The following CACNA2D2 variants were observed in gnomAD, a reference collection of about 807,000 sequenced individuals.
The protein encoded by CACNA2D2 is voltage-dependent calcium channel subunit alpha-2/delta-2.
Under a neutral mutation model 166.4 loss-of-function variants are expected in CACNA2D2, and 48 were observed. The observed-to-expected ratio is 0.29, with a 90% CI of 0.23 to 0.37. The LOEUF (loss-of-function observed/expected upper bound fraction) is 0.37, where lower values mean the gene tolerates loss of function less well. CACNA2D2 is among the 10% of genes least tolerant of loss of function. The probability of loss-of-function intolerance (pLI) is 1.00; values close to 1 mark genes in which losing one functional copy is unlikely to be tolerated. For missense variants in CACNA2D2, 1,122 were observed against 1,433.0 expected (o/e 0.78, Z 3.50); for synonymous variants, 561 against 573.7 (o/e 0.98, Z 0.32).
rs771976151 is a variant in CACNA2D2, at chr3:50,367,739, C to T, written c.2235-35G>A. The T allele has an allele frequency of 6.2e-7, 1 of 1,612,420 alleles. No homozygotes were observed. The highest frequency in any genetic ancestry group is 1.1e-5 in the South Asian group (1 of 91,050). ...GCAGGGGGGTGGGGTCACAGGCCTG[C>T]CTTCTGCTGGGCAGGTCCAGGGCCT... On this transcript the variant is annotated intron_variant, in intron 25 of 37. Transcript: ENST00000424201. This position sits in a 1 kb window ranked among gnomAD's most constrained non-coding sequence, Gnocchi z 6.5.
At position 50,364,684 on chromosome 3, in the gene CACNA2D2, G is replaced by C; in HGVS notation, c.3414C>G (p.His1138Gln). 1 of 1,536,610 alleles carries C rather than the reference G, an allele frequency of 6.5e-7. No individual in the cohort carries two copies. Among genetic ancestry groups the C allele is most frequent in the Non-Finnish European group, 8.8e-7 (1 of 1,139,904 alleles). The change falls in exon 38 of 38, where the codon CAC (histidine) becomes CAG (glutamine). Residue 1138 changes from histidine (H) to glutamine (Q), a missense_variant. By Grantham distance (24) the His-to-Gln change is conservative. This residue lies in a region of CACNA2D2 where 282 missense variants were observed against 266.2 expected (regional missense o/e 1.06). Transcript: ENST00000424201. Reference sequence around the variant, plus strand: ...AGGGTGCTCAGAGGCGGCGAGAGGCGTGGACGAGGACTTGAGGCTGCGGCC... The same window carrying C: ...AGGGTGCTCAGAGGCGGCGAGAGGCCTGGACGAGGACTTGAGGCTGCGGCC... ...PPRPQPQVLV[H>Q]ASRRL
intron 1 of CACNA2D2, among the ~76,000 whole-genome samples, chr3:50,496,632 A>G (rs574655211): frequency 1.3e-5 from 2 of 152,316 alleles, no homozygotes; most frequent in Non-Finnish European, 2.9e-5. Context: ...CGGGATCCAC[A>G]TGCCCTTATC....
chr3:50,464,710 C>T (rs932969160), intron 2 of CACNA2D2, among the ~76,000 whole-genome samples: 2 of 152,206 alleles, frequency 1.3e-5, no homozygotes, highest in African/African-American at 2.4e-5. Flanking sequence ...CCTGCTCCTT[C>T]GTTTCCCCTG....
intron 5 of CACNA2D2, among the ~76,000 whole-genome samples, chr3:50,385,347 C>A (rs587639520): frequency 6.6e-6 from 1 of 152,300 alleles, no homozygotes; most frequent in African/African-American, 2.4e-5. Flanking sequence ...TACGCTCCCT[C>A]ACTGCCCCTC....
At chr3:50,385,618 G>C (rs1454171026) in intron 5 of CACNA2D2, among the ~76,000 whole-genome samples, 1 of 152,214 alleles carries the variant, frequency 6.6e-6, no homozygotes, top group Non-Finnish European at 1.5e-5. Context: ...TTTGAAGGTG[G>C]ATTTTGTACA....
At chr3:50,464,095 C>A (rs1043345569) in intron 2 of CACNA2D2, among the ~76,000 whole-genome samples, 1 of 152,222 alleles carries the variant, frequency 6.6e-6, no homozygotes. Flanking sequence ...CAGGCCTTGA[C>A]CAGGCCCAGG....
chr3:50,477,219 G>A (rs888663865), intron 1 of CACNA2D2, among the ~76,000 whole-genome samples: 5 of 151,690 alleles, frequency 3.3e-5, no homozygotes, highest in South Asian at 2.1e-4. Context: ...ATGAGCCACC[G>A]TGCCCGGCCC....
At chr3:50,365,000 G>A (rs1259143345) in intron 36 of CACNA2D2, 30 bp from the exon 37 acceptor site, 7 of 1,609,342 alleles carry the variant, frequency 4.3e-6, no homozygotes, top group Middle Eastern at 1.7e-4. Flanking sequence ...CAAGGAGGCG[G>A]ACGGCGGCGG....
intron 3 of CACNA2D2, among the ~76,000 whole-genome samples, chr3:50,395,657 G>A (rs904384998): frequency 1.3e-5 from 2 of 152,238 alleles, no homozygotes; most frequent in Admixed American, 6.5e-5. Context: ...GGAAGTGGAA[G>A]TCAGGTCATG....
intron 2 of CACNA2D2, among the ~76,000 whole-genome samples, chr3:50,441,346 G>A (rs1708591169): frequency 6.6e-6 from 1 of 152,130 alleles, no homozygotes; most frequent in African/African-American, 2.4e-5. Flanking sequence ...ACCGCAATTA[G>A]TACATTATGT....
At chr3:50,407,718 G>A (rs1427975683) in intron 3 of CACNA2D2, among the ~76,000 whole-genome samples, 2 of 152,238 alleles carry the variant, frequency 1.3e-5, no homozygotes, top group Non-Finnish European at 2.9e-5. Flanking sequence ...AGACATGAGA[G>A]GAGAACAGTG....
At chr3:50,377,707 A>T (rs1308243460) in intron 16 of CACNA2D2, 25 bp downstream of exon 16, 3 of 1,604,738 alleles carry the variant, frequency 1.9e-6, no homozygotes, top group Non-Finnish European at 2.6e-6. Flanking sequence ...GCACACCCAT[A>T]GCCCCAACCC....
intron 3 of CACNA2D2, among the ~76,000 whole-genome samples, chr3:50,415,643 C>T (rs1439952104): frequency 6.6e-6 from 1 of 152,214 alleles, no homozygotes; most frequent in Non-Finnish European, 1.5e-5. Context: ...TGCCCCTCAC[C>T]AAGGAACTCA....
chr3:50,502,766 T>C (rs1699033088), intron 1 of CACNA2D2, among the ~76,000 whole-genome samples: 1 of 152,226 alleles, frequency 6.6e-6, no homozygotes, highest in Admixed American at 6.5e-5. Context: ...GGTGTGGAGA[T>C]GTCCCTCACC....
chr3:50,498,952 C>G (rs71326934), intron 1 of CACNA2D2, among the ~76,000 whole-genome samples: 17,322 of 152,244 alleles, frequency 0.11, 1,127 homozygotes, highest in Non-Finnish European at 0.14. Flanking sequence ...AGGTCAGTCT[C>G]CCCATCTGGA....
intron 3 of CACNA2D2, among the ~76,000 whole-genome samples, chr3:50,421,286 G>C (rs1293221249): frequency 6.6e-6 from 1 of 152,204 alleles, no homozygotes; most frequent in Admixed American, 6.5e-5. Flanking sequence ...AGGGAGATGG[G>C]ATTAGCAGAA....
At chr3:50,435,871 T>G (rs933210480) in intron 2 of CACNA2D2, among the ~76,000 whole-genome samples, 1 of 152,212 alleles carries the variant, frequency 6.6e-6, no homozygotes, top group Non-Finnish European at 1.5e-5. Context: ...GGGGCGAGAC[T>G]TGAGGCCTGG....
Position 50,387,584 on chromosome 3 carries a change from T to A in CACNA2D2, c.494A>T (p.Lys165Met). Residue 165 changes from lysine (K) to methionine (M), a missense_variant, in exon 5 of 38, where the codon AAG becomes ATG. Coordinates refer to ENST00000424201, the MANE Select transcript of CACNA2D2 (RefSeq NM_006030.4). ...KEEDIVYYDA[K>M]ADAELDDPES... The stretch of plus-strand genomic sequence containing the variant: ...GGTGCTCACCAGCTCAGCGTCAGCC[T>A]TGGCGTCATAGTACACGATGTCTTC... The A allele has an allele frequency of 1.9e-6, 3 of 1,613,900 alleles. No individual in the cohort carries two copies. Among genetic ancestry groups the A allele is most frequent in the Non-Finnish European group, 2.5e-6 (3 of 1,179,858 alleles).
intron 2 of CACNA2D2, among the ~76,000 whole-genome samples, chr3:50,471,733 C>T (rs186537345): frequency 5.5e-4 from 84 of 152,238 alleles, no homozygotes; most frequent in Non-Finnish European, 7.9e-4. Context: ...CTGAGCCCCT[C>T]GAGAAAGTGG....
Sources: allele counts gnomAD v4.1 joint callset (sites outside exome capture counted in the v4.1 genomes callset), GRCh38; gene constraint gnomAD v4.1.1; regional missense constraint gnomAD v4.1.1; non-coding constraint Gnocchi (gnomAD v3.1); transcripts MANE v1.5; gene names NCBI Gene and HGNC (gene_info 2026-07-23, HGNC 2026-07-21).